The following CCNYL1 variants were observed in gnomAD, a reference collection of about 807,000 sequenced individuals.
CCNYL1 encodes the protein cyclin-Y-like protein 1.
A neutral mutation model predicts 44.2 loss-of-function variants in CCNYL1; 16 were observed. That is an observed-to-expected ratio of 0.36 (90% confidence interval 0.25 to 0.55). The LOEUF (loss-of-function observed/expected upper bound fraction) is 0.55, where lower values mean the gene tolerates loss of function less well. Among genes scored for constraint, CCNYL1 ranks in the 20% least tolerant of loss-of-function variants. The pLI, the probability that CCNYL1 is intolerant of heterozygous loss-of-function variation, is 0.85. For missense variants in CCNYL1, 348 were observed against 451.8 expected (o/e 0.77, Z 2.08); for synonymous variants, 159 against 163.2 (o/e 0.97, Z 0.20).
intron 4 of CCNYL1, among the ~76,000 whole-genome samples, chr2:207,734,253 G>A (rs1374054740): frequency 6.6e-6 from 1 of 152,228 alleles, no homozygotes; most frequent in African/African-American, 2.4e-5. Context: ...GGAAGGGAAA[G>A]CCAGTTAGTG....
At chr2:207,753,256 T>G (rs1401556972) in intron 9 of CCNYL1, among the ~76,000 whole-genome samples, 1 of 152,212 alleles carries the variant, frequency 6.6e-6, no homozygotes, top group Non-Finnish European at 1.5e-5. Context: ...GTTTGTTATA[T>G]TTAAGGAATA....
At chr2:207,721,532 G>A (rs1226173381) in intron 1 of CCNYL1, among the ~76,000 whole-genome samples, 1 of 152,172 alleles carries the variant, frequency 6.6e-6, no homozygotes, top group Admixed American at 6.5e-5. Context: ...CTTCCCCTGA[G>A]GGGGGTGTTT....
At chr2:207,733,128 G>A (rs2091741967) in intron 3 of CCNYL1, among the ~76,000 whole-genome samples, 1 of 152,162 alleles carries the variant, frequency 6.6e-6, no homozygotes, top group South Asian at 2.1e-4. Flanking sequence ...AAGGCAGATG[G>A]GGTCAGGCTT....
At position 207,733,993 on chromosome 2, in the gene CCNYL1, T is replaced by C; in HGVS notation, c.377T>C (p.Ile126Thr). 2 of 1,613,764 alleles carry C rather than the reference T, an allele frequency of 1.2e-6. No homozygotes were observed. The highest frequency in any genetic ancestry group is 1.1e-5 in the South Asian group (1 of 91,050). ...AAAAAGTATAGCTCATGCTCAACAA[T>C]ATTTCTAGATGACAGCACAGTCAGC... ...LTKKYSSCST[I>T]FLDDSTVSQP... is the part of the protein sequence containing the mutation. The change falls in exon 4 of 10, where the codon ATA (isoleucine) becomes ACA (threonine). Residue 126 changes from isoleucine to threonine, a missense_variant. By Grantham distance (89) the Ile-to-Thr change is moderately conservative. Coordinates refer to ENST00000295414, the MANE Select transcript of CCNYL1 (RefSeq NM_001330218.2).
intron 8 of CCNYL1, among the ~76,000 whole-genome samples, chr2:207,749,136 G>A (rs1315068644): frequency 6.6e-6 from 1 of 152,174 alleles, no homozygotes; most frequent in East Asian, 1.9e-4. Context: ...GTGGTGGCAG[G>A]GGCCAGCTCC....
chr2:207,741,930 T>G (rs2091814264), intron 6 of CCNYL1, among the ~76,000 whole-genome samples: 3 of 150,128 alleles, frequency 2.0e-5, no homozygotes, highest in African/African-American at 7.4e-5. Context: ...GCAGGTGGAT[T>G]GCCTGAGGTC....
intron 8 of CCNYL1, among the ~76,000 whole-genome samples, chr2:207,748,456 C>A (rs1046653849): frequency 6.6e-6 from 1 of 152,128 alleles, no homozygotes; most frequent in Non-Finnish European, 1.5e-5. Context: ...GGCCTCGTGT[C>A]GGCCGTGAAG....
rs10177235 is a variant in CCNYL1 at position 207,756,102 on chromosome 2, G to T, written c.*2404G>T. 8.7e-3 allele frequency: 1,320 copies of T among 152,292 alleles called. 21 individuals are homozygous for T. Among genetic ancestry groups the T allele is most frequent in the African/African-American group, 0.03 (1,267 of 41,582 alleles). 9.4% of individuals were successfully genotyped at this position (152,292 alleles called of 1,614,324 possible). Reference sequence around the variant, plus strand: ...ATTGATTGCAGTTTTATTTTGAAAAGAATGCTACAATTTATGTGGTTTTTA... The same window carrying T: ...ATTGATTGCAGTTTTATTTTGAAAATAATGCTACAATTTATGTGGTTTTTA... On this transcript the variant is annotated 3_prime_UTR_variant, in exon 10 of 10. Transcript: ENST00000295414.
chr2:207,734,057 A>G lies in CCNYL1; in HGVS notation c.431+10A>G. 3 of 1,573,724 alleles carry G rather than the reference A, an allele frequency of 1.9e-6. No homozygotes were observed. The highest frequency in any genetic ancestry group is 2.6e-6 in the Non-Finnish European group (3 of 1,143,856). On this transcript the variant is annotated intron_variant, in intron 4 of 9. Coordinates refer to ENST00000295414, the MANE Select transcript of CCNYL1 (RefSeq NM_001330218.2). The stretch of plus-strand genomic sequence containing the variant: ...GAACCACAGTAAAATGGTGAGTACA[A>G]CTAGGCTGCCAAGGGCTGAGTGACA...
intron 5 of CCNYL1, among the ~76,000 whole-genome samples, chr2:207,738,146 G>A (rs747677068): frequency 2.0e-4 from 30 of 152,278 alleles, no homozygotes; most frequent in South Asian, 4.1e-4. Context: ...CTAGCCTCAC[G>A]CAAATATATA....
intron 1 of CCNYL1, among the ~76,000 whole-genome samples, chr2:207,717,795 G>T (rs1219955186): frequency 6.6e-6 from 1 of 152,138 alleles, no homozygotes; most frequent in East Asian, 1.9e-4. Context: ...AGGATGCCAG[G>T]ACTATGGTGG....
chr2:207,729,422 T>C (rs1001286462), intron 3 of CCNYL1, among the ~76,000 whole-genome samples: 25 of 152,136 alleles, frequency 1.6e-4, no homozygotes, highest in Non-Finnish European at 2.9e-5. Context: ...CATTTGCTCC[T>C]GAATTTTCAC....
chr2:207,734,242 T>C (rs1049899379), intron 4 of CCNYL1, among the ~76,000 whole-genome samples, 195 bp downstream of exon 4: 9 of 152,252 alleles, frequency 5.9e-5, no homozygotes, highest in Non-Finnish European at 1.3e-4. Context: ...GGCTGCATGG[T>C]GGAAGGGAAA....
At chr2:207,751,757 G>C (rs2091892799) in intron 9 of CCNYL1, among the ~76,000 whole-genome samples, 1 of 152,134 alleles carries the variant, frequency 6.6e-6, no homozygotes, top group African/African-American at 2.4e-5. Flanking sequence ...GGGAGGCTGA[G>C]GCAGGAGAAT....
chr2:207,747,968 G>T (rs1342983751), intron 8 of CCNYL1, among the ~76,000 whole-genome samples: 1 of 152,092 alleles, frequency 6.6e-6, no homozygotes. Flanking sequence ...GGTATAAACA[G>T]CCCTTAAAGG....
At chr2:207,722,375 C>T (rs2091646894) in intron 1 of CCNYL1, among the ~76,000 whole-genome samples, 1 of 151,636 alleles carries the variant, frequency 6.6e-6, no homozygotes, top group African/African-American at 2.4e-5. Context: ...GCCCAGCCGC[C>T]TTGGATATTT....
chr2:207,743,614 T>G (rs1473838410), intron 7 of CCNYL1, among the ~76,000 whole-genome samples: 1 of 151,918 alleles, frequency 6.6e-6, no homozygotes, highest in Non-Finnish European at 1.5e-5. Flanking sequence ...GGATAGAAGA[T>G]AGATCTCTAA....
At chr2:207,737,821 G>T (rs2091777108) in intron 5 of CCNYL1, among the ~76,000 whole-genome samples, 1 of 152,138 alleles carries the variant, frequency 6.6e-6, no homozygotes. Flanking sequence ...GTCCCAGGTT[G>T]TGACAACAAA....
intron 1 of CCNYL1, among the ~76,000 whole-genome samples, chr2:207,715,127 G>A (rs1050567753): frequency 5.7e-4 from 86 of 152,112 alleles, no homozygotes; most frequent in Non-Finnish European, 9.4e-4. Flanking sequence ...AATTAGCTGG[G>A]TGTGGTGGCG....
Sources: gnomAD v4.1 joint callset for allele counts (sites outside exome capture counted in the v4.1 genomes callset) on GRCh38, gnomAD v4.1.1 for gene constraint, MANE v1.5 for transcripts, NCBI Gene and HGNC (gene_info 2026-07-23, HGNC 2026-07-21) for gene names.